The following MYO1E variants were observed in gnomAD, a reference collection of about 807,000 sequenced individuals.
MYO1E encodes the protein unconventional myosin-Ie.
A neutral mutation model predicts 151.1 loss-of-function variants in MYO1E; 68 were observed. The observed-to-expected ratio is 0.45, with a 90% CI of 0.37 to 0.55. The LOEUF is 0.55. Ranked by LOEUF, MYO1E falls within the 20% of genes least tolerant of loss-of-function variation. The pLI, the probability that MYO1E is intolerant of heterozygous loss-of-function variation, is 0.00. For synonymous variants in MYO1E, 601 were observed against 501.7 expected, an observed-to-expected ratio of 1.20 and a Z score of -2.64; for missense variants, 1,363 against 1,389.3, an observed-to-expected ratio of 0.98 and a Z score of 0.30.
At chr15:59,217,254 A>G (rs533241672) in intron 10 of MYO1E, among the ~76,000 whole-genome samples, 1 of 152,226 alleles carries the variant, frequency 6.6e-6, no homozygotes, top group South Asian at 2.1e-4. Flanking sequence ...ATATGTGAAA[A>G]ACATATTCCT....
intron 25 of MYO1E, among the ~76,000 whole-genome samples, chr15:59,157,189 G>A (rs1450985900): frequency 6.6e-6 from 1 of 152,126 alleles, no homozygotes; most frequent in Non-Finnish European, 1.5e-5. Flanking sequence ...TGGCACCACT[G>A]CACTCCAGTT....
At chr15:59,224,655 A>G in intron 8 of MYO1E, 34 bp downstream of exon 8, 5 of 1,613,894 alleles carry the variant, frequency 3.1e-6, no homozygotes, top group African/African-American at 1.3e-5. Flanking sequence ...CAGTTGGGAG[A>G]GCAGATCCTG....
intron 4 of MYO1E, among the ~76,000 whole-genome samples, chr15:59,252,188 A>G (rs2080168833): frequency 6.6e-6 from 1 of 152,186 alleles, no homozygotes; most frequent in African/African-American, 2.4e-5. Flanking sequence ...CATATTCCCT[A>G]GCTTTGTACT....
intron 6 of MYO1E, among the ~76,000 whole-genome samples, chr15:59,230,224 TTG>T (rs71119445): frequency 0.01 from 1,273 of 127,000 alleles, 29 homozygotes; most frequent in African/African-American, 0.036. Flanking sequence ...CAGTGTGTGT[TTG>T]TGTGTGTGTG....
chr15:59,372,426 G>A, intron 1 of MYO1E, 72 bp downstream of exon 1: 3 of 1,528,972 alleles, frequency 2.0e-6, no homozygotes, highest in Non-Finnish European at 2.6e-6. Flanking sequence ...CGCCCAAGGT[G>A]GGTGCACCAC....
intron 26 of MYO1E, among the ~76,000 whole-genome samples, chr15:59,144,883 G>A (rs1304548720): frequency 6.6e-6 from 1 of 152,052 alleles, no homozygotes; most frequent in African/African-American, 2.4e-5. Context: ...CACTCTTGTT[G>A]CCCAGGCTGG....
chr15:59,181,170 T>C (rs1450219647), intron 18 of MYO1E, among the ~76,000 whole-genome samples: 1 of 152,206 alleles, frequency 6.6e-6, no homozygotes, highest in Non-Finnish European at 1.5e-5. Context: ...CCTTCTCTCT[T>C]GCCCGTGAAG....
chr15:59,138,642 TA>T (rs1346570569), intron 26 of MYO1E, among the ~76,000 whole-genome samples: 1 of 152,154 alleles, frequency 6.6e-6, no homozygotes, highest in Admixed American at 6.5e-5. Context: ...CACATATCCA[TA>T]AAAAAGTGTC....
At chr15:59,205,145 TTTTG>T (rs1429778186) in intron 15 of MYO1E, among the ~76,000 whole-genome samples, 1 of 152,110 alleles carries the variant, frequency 6.6e-6, no homozygotes, top group African/African-American at 2.4e-5. Flanking sequence ...AGGTGTTTTG[TTTTG>T]TTTTTGTTTT....
intron 22 of MYO1E, among the ~76,000 whole-genome samples, chr15:59,166,854 C>G (rs1193199578): frequency 6.6e-6 from 1 of 152,188 alleles, no homozygotes; most frequent in Non-Finnish European, 1.5e-5. Flanking sequence ...GACCCACTCT[C>G]CTCTCTTGTG....
intron 26 of MYO1E, 126 bp downstream of exon 26, chr15:59,153,464 G>T (rs2079492795): frequency 2.0e-6 from 2 of 1,024,792 alleles, no homozygotes; most frequent in South Asian, 1.4e-5. Context: ...CTGGCATATA[G>T]CACTGAGGTG....
chr15:59,253,805 A>C (rs951088831), intron 4 of MYO1E, among the ~76,000 whole-genome samples: 1 of 152,088 alleles, frequency 6.6e-6, no homozygotes, highest in African/African-American at 2.4e-5. Context: ...CTATTAATTT[A>C]CAGAAAATGT....
chr15:59,166,272 G>A (rs763300152), intron 22 of MYO1E, among the ~76,000 whole-genome samples: 34 of 152,142 alleles, frequency 2.2e-4, no homozygotes, highest in Non-Finnish European at 4.0e-4. Flanking sequence ...CAAAGCTTTC[G>A]TGTTTATTTA....
chr15:59,299,914 C>G (rs2080471957), intron 1 of MYO1E, among the ~76,000 whole-genome samples: 1 of 152,194 alleles, frequency 6.6e-6, no homozygotes, highest in South Asian at 2.1e-4. Flanking sequence ...TTAAAAATCT[C>G]AATGCCCAGC....
At chr15:59,170,976 A>G (rs1487628345) in intron 22 of MYO1E, among the ~76,000 whole-genome samples, 6 of 152,138 alleles carry the variant, frequency 3.9e-5, no homozygotes, top group Admixed American at 1.3e-4. Context: ...GAACATCTTT[A>G]ATGCAAAGGC....
At chr15:59,301,309 A>G (rs2080481310) in intron 1 of MYO1E, among the ~76,000 whole-genome samples, 1 of 152,238 alleles carries the variant, frequency 6.6e-6, no homozygotes, top group Non-Finnish European at 1.5e-5. Context: ...AGCATTTAAA[A>G]ATAGATTAAT....
chr15:59,246,881 T>C (rs2080133483), intron 4 of MYO1E, among the ~76,000 whole-genome samples: 1 of 152,236 alleles, frequency 6.6e-6, no homozygotes. Flanking sequence ...TTCTGTTAAC[T>C]AAGTCTGTGC....
intron 18 of MYO1E, among the ~76,000 whole-genome samples, chr15:59,184,022 T>C (rs2079680696): frequency 6.6e-6 from 1 of 152,212 alleles, no homozygotes; most frequent in African/African-American, 2.4e-5. Flanking sequence ...TCTCATTCTT[T>C]TTCTGAGACG....
intron 17 of MYO1E, among the ~76,000 whole-genome samples, chr15:59,195,189 G>A (rs552156380): frequency 1.3e-5 from 2 of 152,254 alleles, no homozygotes; most frequent in East Asian, 1.9e-4. Flanking sequence ...GCGGTATGAG[G>A]TTATGTTTTG....
Sources: gnomAD v4.1 joint callset for allele counts (sites outside exome capture counted in the v4.1 genomes callset) on GRCh38, gnomAD v4.1.1 for gene constraint, MANE v1.5 for transcripts, NCBI Gene and HGNC (gene_info 2026-07-23, HGNC 2026-07-21) for gene names.